PLCB1: variants seen among roughly 807,000 people sequenced by gnomAD.
The protein encoded by PLCB1 is phospholipase C beta 1.
In PLCB1, 46 loss-of-function variants were observed where a neutral mutation model predicts 161.8. The observed-to-expected ratio is 0.28, with a 90% CI of 0.22 to 0.36. The LOEUF (loss-of-function observed/expected upper bound fraction) is 0.36. Among genes scored for constraint, PLCB1 ranks in the 10% least tolerant of loss-of-function variants. PLCB1 has a pLI of 1.00. For missense variants in PLCB1, 1,016 were observed against 1,472.5 expected, an observed-to-expected ratio of 0.69 and a Z score of 5.07; for synonymous variants, 517 against 503.7, an observed-to-expected ratio of 1.03 and a Z score of -0.35.
chr20:8,780,817 A>G (rs1983180698), intron 27 of PLCB1, among the ~76,000 whole-genome samples: 1 of 152,194 alleles, frequency 6.6e-6, no homozygotes, highest in Admixed American at 6.5e-5. Flanking sequence ...GACCACCTGA[A>G]TGTCAATTTT....
At chr20:8,611,301 G>C (rs542341772) in intron 3 of PLCB1, among the ~76,000 whole-genome samples, 2 of 152,046 alleles carry the variant, frequency 1.3e-5, no homozygotes, top group East Asian at 3.9e-4. Flanking sequence ...TTAATTCTTA[G>C]TTTTAAAATT....
chr20:8,654,155 T>C (rs1568547851), intron 7 of PLCB1, among the ~76,000 whole-genome samples: 1 of 152,046 alleles, frequency 6.6e-6, no homozygotes, highest in East Asian at 1.9e-4. Context: ...ACCACCAAGA[T>C]TGTTAAAATC....
In PLCB1 at chr20:8,287,729, G is replaced by A. The variant is rs149577733; in HGVS notation, c.178-83653G>A. ...CCTACACAAACTAGTAATTACTCACGGAATTTATGGCATTTACATGTGACA... is the reference window on the plus strand; with the variant it reads ...CCTACACAAACTAGTAATTACTCACAGAATTTATGGCATTTACATGTGACA... On this transcript the variant is annotated intron_variant, in intron 2 of 31. Coordinates refer to ENST00000338037, the MANE Select transcript of PLCB1 (RefSeq NM_015192.4). Among the ~76,000 whole-genome samples, 34 of 152,218 alleles carry A rather than the reference G, an allele frequency of 2.2e-4. 1 individual carries two copies. The East Asian group carries it at 4.2e-3, about 19-fold the overall frequency.
intron 31 of PLCB1, among the ~76,000 whole-genome samples, 168 bp from the exon 32 acceptor site, chr20:8,881,454 G>A (rs1400271362): frequency 1.3e-5 from 2 of 152,036 alleles, no homozygotes; most frequent in East Asian, 3.9e-4. Context: ...GACAAATGAT[G>A]TGTCCAACTA....
At chr20:8,522,500 T>C (rs2122886053) in intron 3 of PLCB1, among the ~76,000 whole-genome samples, 1 of 152,048 alleles carries the variant, frequency 6.6e-6, no homozygotes, top group East Asian at 1.9e-4. Flanking sequence ...CACCCTATGA[T>C]CTACACTTTC....
intron 31 of PLCB1, among the ~76,000 whole-genome samples, chr20:8,793,741 G>C (rs1036405195): frequency 1.3e-5 from 2 of 152,140 alleles, no homozygotes; most frequent in Admixed American, 6.5e-5. Flanking sequence ...GAAGTTTTGG[G>C]CACCATTGTC....
chr20:8,342,620 T>G (rs1042706525), intron 2 of PLCB1, among the ~76,000 whole-genome samples: 1 of 152,194 alleles, frequency 6.6e-6, no homozygotes, highest in Non-Finnish European at 1.5e-5. Context: ...GATCTGTTAC[T>G]GGCAAGCCTG....
intron 18 of PLCB1, among the ~76,000 whole-genome samples, chr20:8,730,066 A>G (rs867070333): frequency 3.9e-4 from 60 of 152,026 alleles, no homozygotes; most frequent in Middle Eastern, 3.4e-3. Flanking sequence ...ATTCAGGACT[A>G]TCGTCAATTT....
At chr20:8,877,919 C>T (rs1057058124) in intron 31 of PLCB1, among the ~76,000 whole-genome samples, 1 of 152,126 alleles carries the variant, frequency 6.6e-6, no homozygotes, top group Admixed American at 6.6e-5. Context: ...AAGTCTACTA[C>T]AGTTATAACT....
At chr20:8,578,161 T>C (rs987646743) in intron 3 of PLCB1, among the ~76,000 whole-genome samples, 1 of 152,250 alleles carries the variant, frequency 6.6e-6, no homozygotes, top group East Asian at 1.9e-4. Context: ...TGCAAACTTT[T>C]GTGTGTGTCT....
At chr20:8,602,533 A>G (rs113973731) in intron 3 of PLCB1, among the ~76,000 whole-genome samples, 22 of 152,312 alleles carry the variant, frequency 1.4e-4, no homozygotes, top group African/African-American at 5.3e-4. Context: ...CTGAAACCCA[A>G]TCAAATTCTT....
chr20:8,153,683 C>T (rs1043256296), intron 2 of PLCB1, among the ~76,000 whole-genome samples: 2 of 152,088 alleles, frequency 1.3e-5, no homozygotes, highest in African/African-American at 4.8e-5. Context: ...AACCTGATGC[C>T]CTGCTTCTGT....
intron 3 of PLCB1, among the ~76,000 whole-genome samples, chr20:8,517,986 A>T (rs1352062714): frequency 6.6e-6 from 1 of 152,096 alleles, no homozygotes; most frequent in Non-Finnish European, 1.5e-5. Flanking sequence ...GATCAAGACC[A>T]TCCTGGCCAA....
At chr20:8,588,770 C>T (rs1350105145) in intron 3 of PLCB1, among the ~76,000 whole-genome samples, 1 of 152,160 alleles carries the variant, frequency 6.6e-6, no homozygotes, top group Non-Finnish European at 1.5e-5. Context: ...GTTTCAGCTA[C>T]CAAGTATGGT....
chr20:8,691,175 T>C (rs1177747064), intron 10 of PLCB1, among the ~76,000 whole-genome samples: 1 of 152,186 alleles, frequency 6.6e-6, no homozygotes, highest in Non-Finnish European at 1.5e-5. Flanking sequence ...GAAGTCCTGT[T>C]TCTCAGAAGC....
chr20:8,741,329 G>T, intron 22 of PLCB1, 135 bp from the exon 23 acceptor site: 1 of 612,982 alleles, frequency 1.6e-6, no homozygotes, highest in Non-Finnish European at 3.0e-6. Context: ...GTGGATGGAT[G>T]GATGGATGGA....
intron 3 of PLCB1, among the ~76,000 whole-genome samples, chr20:8,466,976 G>A (rs1451542935): frequency 1.3e-5 from 2 of 152,076 alleles, no homozygotes; most frequent in African/African-American, 4.8e-5. Context: ...ATCTCCCTCT[G>A]TCACCAAGGC....
At chr20:8,556,661 GTGT>G in intron 3 of PLCB1, among the ~76,000 whole-genome samples, 1 of 9,306 alleles carries the variant, frequency 1.1e-4, no homozygotes, top group African/African-American at 5.6e-4. Context: ...GGTTGGGTGT[GTGT>G]GTGTGTGTGT....
chr20:8,323,741 C>G (rs1000529017), intron 2 of PLCB1, among the ~76,000 whole-genome samples: 1 of 151,944 alleles, frequency 6.6e-6, no homozygotes, highest in Non-Finnish European at 1.5e-5. Context: ...GAAGAATTGT[C>G]AAGGAATTTG....
Sources: allele counts gnomAD v4.1 joint callset (sites outside exome capture counted in the v4.1 genomes callset), GRCh38; gene constraint gnomAD v4.1.1; transcripts MANE v1.5; gene names NCBI Gene and HGNC (gene_info 2026-07-23, HGNC 2026-07-21).